GRK5: variants seen among roughly 807,000 people sequenced by gnomAD.
The protein encoded by GRK5 is G protein-coupled receptor kinase 5, also known as g protein-coupled receptor kinase GRK5.
GRK5 carries 40 observed loss-of-function variants against 78.4 expected under a neutral mutation model. The ratio of observed to expected loss-of-function variants is 0.51; its 90% CI spans 0.40 to 0.66. The LOEUF (loss-of-function observed/expected upper bound fraction) is 0.66. Ranked by LOEUF, GRK5 falls within the 30% of genes least tolerant of loss-of-function variation. The pLI is 0.00. For missense variants in GRK5, 598 were observed against 759.9 expected, an observed-to-expected ratio of 0.79 and a Z score of 2.50; for synonymous variants, 289 against 296.8, an observed-to-expected ratio of 0.97 and a Z score of 0.27.
intron 9 of GRK5, among the ~76,000 whole-genome samples, chr10:119,438,551 C>T (rs1389833731): frequency 6.6e-6 from 1 of 150,398 alleles, no homozygotes; most frequent in African/African-American, 2.4e-5. Flanking sequence ...AAAATTTTCC[C>T]TAAGGGTTGA....
rs376575211 is a variant in GRK5 at position 119,439,722 on chromosome 10, T to G, written c.930-9T>G. 6.2e-7 allele frequency: 1 copy of G among 1,614,040 alleles called. No individual in the cohort carries two copies. The highest frequency in any genetic ancestry group is 1.3e-5 in the African/African-American group (1 of 75,042). On this transcript the variant is annotated splice_polypyrimidine_tract_variant and intron_variant, in intron 9 of 15. Coordinates refer to ENST00000392870, the MANE Select transcript of GRK5 (RefSeq NM_005308.3). ...CCCACACTCTGATGCTTGTTGTTTT[T>G]CCTTTCAGAGATCTGAAACCTGAAA...
In GRK5 at chr10:119,336,680, G is replaced by T. The variant is rs1044379470; in HGVS notation, c.148+10069G>T. On this transcript the variant is annotated intron_variant, in intron 2 of 15. Coordinates refer to ENST00000392870, the MANE Select transcript of GRK5 (RefSeq NM_005308.3). This position sits in a 1 kb window ranked among gnomAD's most constrained non-coding sequence, Gnocchi z 4.5. ...TCAGGCCTGCCTGGCTGGCACGTGA[G>T]CTCTTGATTTCATCGTCAGGGAAAC... Among the ~76,000 whole-genome samples the T allele has an allele frequency of 6.6e-6, 1 of 152,192 alleles. No homozygotes were observed. Among genetic ancestry groups the T allele is most frequent in the Non-Finnish European group, 1.5e-5 (1 of 68,042 alleles).
chr10:119,299,512 C>T (rs569087721), intron 1 of GRK5, among the ~76,000 whole-genome samples: 2 of 151,996 alleles, frequency 1.3e-5, no homozygotes, highest in African/African-American at 4.8e-5. Flanking sequence ...TTAAGTTCAT[C>T]TAACTCAGTA....
At chr10:119,282,326 G>A (rs1849775682) in intron 1 of GRK5, among the ~76,000 whole-genome samples, 1 of 152,208 alleles carries the variant, frequency 6.6e-6, no homozygotes, top group Admixed American at 6.5e-5. Flanking sequence ...TCCTCCTGGA[G>A]CTCCAGACTG....
intron 1 of GRK5, among the ~76,000 whole-genome samples, chr10:119,277,580 A>C (rs531295539): frequency 4.5e-4 from 68 of 152,212 alleles, no homozygotes; most frequent in Non-Finnish European, 7.8e-4. Context: ...AGTGTAATTG[A>C]CAGACAGTAA....
At position 119,392,835 on chromosome 10, in the gene GRK5, T is replaced by A. The variant is rs1408394019; in HGVS notation, c.262-3860T>A. Among the ~76,000 whole-genome samples, 3 of 152,222 alleles carry A rather than the reference T, an allele frequency of 2.0e-5. No individual in the cohort carries two copies. The East Asian group carries it at 5.8e-4, about 29-fold the overall frequency. On this transcript the variant is annotated intron_variant, in intron 3 of 15. Transcript: ENST00000392870. ...TCACGAGGGCACTCTTTGCATACAG[T>A]TTACCTTTCTTTTCATTGAAATCAT...
rs761548495 is a variant in GRK5 at position 119,326,522 on chromosome 10, G to A, written c.59G>A (p.Gly20Glu). ...TVLLKAREGGGGKRKGKSKKW... is the reference protein window; with the variant it reads ...TVLLKAREGGEGKRKGKSKKW... ...TTTTTCCCCATCTCTGCAGGGGGCGGAGGAAAGCGCAAAGGGAAAAGCAAG... is the reference window on the plus strand; with the variant it reads ...TTTTTCCCCATCTCTGCAGGGGGCGAAGGAAAGCGCAAAGGGAAAAGCAAG... The change falls in exon 2 of 16, where the codon GGA becomes GAA. Residue 20 changes from glycine (G) to glutamate (E), a missense_variant. Physicochemically the swap from Gly to Glu is moderately conservative, Grantham distance 98. Coordinates refer to ENST00000392870, the MANE Select transcript of GRK5 (RefSeq NM_005308.3). The A allele has an allele frequency of 1.2e-6, 2 of 1,614,010 alleles. No homozygotes were observed. Among genetic ancestry groups the A allele is most frequent in the Non-Finnish European group, 8.5e-7 (1 of 1,179,886 alleles).
rs796272001 is a variant in GRK5, at chr10:119,437,854, T to A, written c.929+1013T>A. Among the ~76,000 whole-genome samples, 43 of 152,280 alleles carry A rather than the reference T, an allele frequency of 2.8e-4. 1 individual carries two copies. The highest frequency in any genetic ancestry group is 9.9e-4 in the African/African-American group (41 of 41,568). The stretch of plus-strand genomic sequence containing the variant: ...GGTTCACACCTGTAATCCCAGCACT[T>A]TGGGAGGCTGGGGCAGGCGGATCAC... On this transcript the variant is annotated intron_variant, in intron 9 of 15. Coordinates refer to ENST00000392870, the MANE Select transcript of GRK5 (RefSeq NM_005308.3).
chr10:119,374,658 A>G (rs1332885306), intron 2 of GRK5, among the ~76,000 whole-genome samples: 1 of 152,144 alleles, frequency 6.6e-6, no homozygotes. Context: ...ATTCATTACC[A>G]AGGAAGTGTA....
At chr10:119,338,317 T>G (rs1009307780) in intron 2 of GRK5, among the ~76,000 whole-genome samples, 1 of 152,188 alleles carries the variant, frequency 6.6e-6, no homozygotes, top group Non-Finnish European at 1.5e-5. Context: ...AATCTCCCTG[T>G]TTGTTATTGG....
rs1033756438 is a variant in GRK5 at position 119,264,989 on chromosome 10, G to T, written c.52+57020G>T. On this transcript the variant is annotated intron_variant, in intron 1 of 15. Transcript: ENST00000392870. The surrounding 1 kb of genome is among the most constrained non-coding windows in gnomAD (Gnocchi z 4.1). ...TCAGAGACAGCTTTCATTCTTTTGT[G>T]TTACTCCGTGCTGAGCTGGTTGGGG... Among the ~76,000 whole-genome samples, 4 of 152,182 alleles carry T rather than the reference G, an allele frequency of 2.6e-5. No homozygotes were observed. The highest frequency in any genetic ancestry group is 2.0e-4 in the Admixed American group (3 of 15,278).
chr10:119,332,826 A>G (rs1352468597), intron 2 of GRK5, among the ~76,000 whole-genome samples: 1 of 152,180 alleles, frequency 6.6e-6, no homozygotes. Context: ...GTTCTTCCTC[A>G]CACTTTTTCT....
chr10:119,345,471 C>T (rs183714871), intron 2 of GRK5, among the ~76,000 whole-genome samples: 1 of 152,272 alleles, frequency 6.6e-6, no homozygotes, highest in East Asian at 1.9e-4. Context: ...TGGATCTGTC[C>T]CCTCTTCTCC....
intron 6 of GRK5, among the ~76,000 whole-genome samples, chr10:119,428,425 T>A (rs1228292134): frequency 6.6e-6 from 1 of 152,242 alleles, no homozygotes; most frequent in Non-Finnish European, 1.5e-5. Flanking sequence ...ATGCCCTTTA[T>A]TCCTAGGAGT....
intron 2 of GRK5, among the ~76,000 whole-genome samples, chr10:119,369,629 C>T (rs566862395): frequency 5.9e-5 from 9 of 152,212 alleles, no homozygotes; most frequent in Non-Finnish European, 1.3e-4. Context: ...CCACAGGTCA[C>T]GCATGGGTGT....
chr10:119,308,466 C>T (rs1383432783), intron 1 of GRK5, among the ~76,000 whole-genome samples: 2 of 152,202 alleles, frequency 1.3e-5, no homozygotes, highest in Non-Finnish European at 2.9e-5. Context: ...TGTGCCCCCT[C>T]AGAATCCTCT....
chr10:119,440,285 A>G (rs973158580), intron 10 of GRK5, among the ~76,000 whole-genome samples: 1 of 152,266 alleles, frequency 6.6e-6, no homozygotes, highest in Non-Finnish European at 1.5e-5. Context: ...GTGCATTACC[A>G]TCATTATTTT....
chr10:119,322,178 C>G (rs759900849), intron 1 of GRK5, among the ~76,000 whole-genome samples: 3 of 152,180 alleles, frequency 2.0e-5, no homozygotes, highest in Non-Finnish European at 4.4e-5. Context: ...GGTCTAAACT[C>G]CTGGGCTCAA....
chr10:119,445,106 C>T lies in GRK5; in HGVS notation c.1266+1354C>T, dbSNP rs1853117153. Reference sequence around the variant, plus strand: ...ACACTCTAACCCCACAGCTGTTGGCCCGCCATGCAGCTGGGGCCTCAGAGA... The same window carrying T: ...ACACTCTAACCCCACAGCTGTTGGCTCGCCATGCAGCTGGGGCCTCAGAGA... On this transcript the variant is annotated intron_variant, in intron 12 of 15. Coordinates refer to ENST00000392870, the MANE Select transcript of GRK5 (RefSeq NM_005308.3). The surrounding 1 kb of genome is among the most constrained non-coding windows in gnomAD (Gnocchi z 4.1). Among the ~76,000 whole-genome samples, 2 of 152,116 alleles carry T rather than the reference C, an allele frequency of 1.3e-5. No individual in the cohort carries two copies. Among genetic ancestry groups the T allele is most frequent in the Non-Finnish European group, 2.9e-5 (2 of 68,028 alleles).
Sources: gnomAD v4.1 joint callset for allele counts (sites outside exome capture counted in the v4.1 genomes callset) on GRCh38, gnomAD v4.1.1 for gene constraint, Gnocchi (gnomAD v3.1) non-coding constraint, MANE v1.5 for transcripts, NCBI Gene and HGNC (gene_info 2026-07-23, HGNC 2026-07-21) for gene names.